The following PACRG variants were observed in gnomAD, a reference collection of about 807,000 sequenced individuals.
The protein encoded by PACRG is parkin coregulated, also known as parkin coregulated gene protein.
In PACRG, 29 loss-of-function variants were observed where a neutral mutation model predicts 29.7. The ratio of observed to expected loss-of-function variants is 0.98; its 90% confidence interval spans 0.73 to 1.33. PACRG has a LOEUF of 1.33. Ranked by LOEUF, PACRG falls within the 40% of genes most tolerant of loss-of-function variation. PACRG has a pLI of 0.00. For synonymous variants in PACRG, 116 were observed against 118.7 expected (o/e 0.98, Z 0.15); for missense variants, 279 against 316.2 (o/e 0.88, Z 0.89).
At chr6:163,111,913 C>A in intron 4 of PACRG, 1 of 243,512 alleles carries the variant, frequency 4.1e-6, no homozygotes, top group Non-Finnish European at 6.6e-6. Flanking sequence ...TATTTAAATG[C>A]CTGAGGGGCA....
intron 2 of PACRG, among the ~76,000 whole-genome samples, chr6:163,026,420 G>T (rs540911579): frequency 6.6e-6 from 1 of 152,210 alleles, no homozygotes; most frequent in Non-Finnish European, 1.5e-5. Context: ...AATTGCTTTG[G>T]TAGAATAATT....
intron 1 of PACRG, among the ~76,000 whole-genome samples, chr6:162,734,390 G>A (rs989441070): frequency 6.6e-6 from 1 of 151,888 alleles, no homozygotes. Context: ...TATAAATTTT[G>A]ACTTATTTTC....
At chr6:162,879,511 A>G (rs1793653309) in intron 2 of PACRG, among the ~76,000 whole-genome samples, 1 of 152,064 alleles carries the variant, frequency 6.6e-6, no homozygotes, top group Non-Finnish European at 1.5e-5. Context: ...GCTAAAACTG[A>G]TCTATTCTGT....
chr6:162,903,331 T>G (rs1458212155), intron 2 of PACRG, among the ~76,000 whole-genome samples: 1 of 147,556 alleles, frequency 6.8e-6, no homozygotes, highest in Admixed American at 6.6e-5. Flanking sequence ...TGTTAATAAT[T>G]TAAATACCCA....
chr6:162,731,512 A>T (rs1779766167), intron 1 of PACRG, among the ~76,000 whole-genome samples: 1 of 152,180 alleles, frequency 6.6e-6, no homozygotes, highest in Non-Finnish European at 1.5e-5. Context: ...ATAGGTAGAA[A>T]TGTGTAGGTT....
At chr6:162,876,892 T>G (rs1355873776) in intron 2 of PACRG, among the ~76,000 whole-genome samples, 1 of 152,058 alleles carries the variant, frequency 6.6e-6, no homozygotes, top group African/African-American at 2.4e-5. Flanking sequence ...TTGTATAAGG[T>G]GTAAGGAAGG....
At chr6:163,198,621 A>G (rs1780573677) in intron 4 of PACRG, among the ~76,000 whole-genome samples, 1 of 152,194 alleles carries the variant, frequency 6.6e-6, no homozygotes. Flanking sequence ...TGCTACATGT[A>G]GAAAGTGTGT....
upstream of PACRG, chr6:162,727,283 AG>A (rs112041767): frequency 3.8e-6 from 1 of 265,568 alleles, no homozygotes. Context: ...CAGTGAGGTG[AG>A]GGGCGAAGGT....
intron 2 of PACRG, among the ~76,000 whole-genome samples, chr6:163,013,983 CTG>C (rs1233210453): frequency 1.3e-5 from 2 of 151,694 alleles, no homozygotes; most frequent in East Asian, 3.9e-4. Flanking sequence ...ATTTTTGTCA[CTG>C]TTAGTCATAG....
In PACRG at chr6:163,247,302, C is replaced by T. The variant is rs191513599; in HGVS notation, c.614-67525C>T. ...CTAGAAACCCTCAATCTGCCACAGG[C>T]CTGCCACAGCCCTGGAGGAGCGCTC... On this transcript the variant is annotated intron_variant, in intron 4 of 4. Transcript: ENST00000366888. Among the ~76,000 whole-genome samples the T allele has an allele frequency of 2.6e-5, 4 of 152,272 alleles. No individual in the cohort carries two copies. The East Asian group carries it at 7.7e-4, about 29-fold the overall frequency.
intron 2 of PACRG, among the ~76,000 whole-genome samples, chr6:162,998,574 G>A (rs1445861912): frequency 2.0e-5 from 3 of 152,102 alleles, no homozygotes; most frequent in Non-Finnish European, 4.4e-5. Flanking sequence ...CCTCTAGCAT[G>A]GTGTTCTTTT....
chr6:163,314,925 G>GA lies in PACRG; in HGVS notation c.716dup (p.Asn239LysfsTer7), dbSNP rs761778944. On this transcript the variant is annotated frameshift_variant, in exon 5 of 5. Transcript: ENST00000366888. LOFTEE classifies it high-confidence loss of function. ...GGAGGCCTTCGAGCGCTACGGAGGA[G>GA]AAAATGCCTTTATCAACATTAAGTA... is the stretch of plus-strand genomic sequence containing the variant. 1 of 1,614,206 alleles carries GA rather than the reference G, an allele frequency of 6.2e-7. No individual in the cohort carries two copies. The highest frequency in any genetic ancestry group is 8.5e-7 in the Non-Finnish European group (1 of 1,180,018).
chr6:162,958,418 G>A (rs536155025), intron 2 of PACRG, among the ~76,000 whole-genome samples: 2 of 152,122 alleles, frequency 1.3e-5, no homozygotes, highest in Admixed American at 6.5e-5. Context: ...TCTTGAAACT[G>A]AGATTCCCAA....
At chr6:163,249,855 G>A (rs1782836028) in intron 4 of PACRG, among the ~76,000 whole-genome samples, 1 of 152,150 alleles carries the variant, frequency 6.6e-6, no homozygotes, top group Non-Finnish European at 1.5e-5. Context: ...TGTCTTTTAT[G>A]CCAAACCAAC....
chr6:163,157,046 G>A (rs1372741600), intron 4 of PACRG, among the ~76,000 whole-genome samples: 4 of 152,166 alleles, frequency 2.6e-5, no homozygotes, highest in East Asian at 1.9e-4. Flanking sequence ...ATTAGGTTAC[G>A]TTCATCTTGG....
chr6:162,867,773 A>G (rs1221946672), intron 2 of PACRG, among the ~76,000 whole-genome samples: 1 of 152,182 alleles, frequency 6.6e-6, no homozygotes, highest in Non-Finnish European at 1.5e-5. Context: ...TCTCCCAGTC[A>G]GAACAGGCCC....
At chr6:163,143,806 GGGAAACT>G (rs2128335419) in intron 4 of PACRG, among the ~76,000 whole-genome samples, 1 of 152,190 alleles carries the variant, frequency 6.6e-6, no homozygotes, top group East Asian at 1.9e-4. Flanking sequence ...ATGGGTGGGT[GGGAAACT>G]CAGGGCAAAG....
chr6:163,062,511 C>T (rs1811179380), intron 3 of PACRG, among the ~76,000 whole-genome samples, 190 bp downstream of exon 3: 1 of 152,312 alleles, frequency 6.6e-6, no homozygotes, highest in Admixed American at 6.5e-5. Flanking sequence ...TTCACTATGG[C>T]TTAGCCACAT....
At chr6:162,880,261 T>TCA (rs2128012059) in intron 2 of PACRG, among the ~76,000 whole-genome samples, 1 of 152,282 alleles carries the variant, frequency 6.6e-6, no homozygotes, top group Admixed American at 6.5e-5. Flanking sequence ...TTAACATCTG[T>TCA]CACATAAAAG....
Sources: gnomAD v4.1 joint callset for allele counts (sites outside exome capture counted in the v4.1 genomes callset) on GRCh38, gnomAD v4.1.1 for gene constraint, MANE v1.5 for transcripts, NCBI Gene and HGNC (gene_info 2026-07-23, HGNC 2026-07-21) for gene names.